SRGAP3: variants seen among roughly 807,000 people sequenced by gnomAD.
SRGAP3 encodes SLIT-ROBO Rho GTPase-activating protein 3.
Under a neutral mutation model 121.1 loss-of-function variants are expected in SRGAP3, and 39 were observed. That is an observed-to-expected ratio of 0.32 (90% confidence interval 0.25 to 0.42). The LOEUF (loss-of-function observed/expected upper bound fraction) is 0.42, where lower values mean the gene tolerates loss of function less well. SRGAP3 is among the 10% of genes least tolerant of loss of function. The pLI, the probability that SRGAP3 is intolerant of heterozygous loss-of-function variation, is 1.00. For synonymous variants in SRGAP3, 601 were observed against 570.0 expected (o/e 1.05, Z -0.77); for missense variants, 1,213 against 1,470.6 (o/e 0.82, Z 2.86).
chr3:9,087,175 C>T (rs1403201249), intron 3 of SRGAP3, among the ~76,000 whole-genome samples: 1 of 151,896 alleles, frequency 6.6e-6, no homozygotes, highest in Non-Finnish European at 1.5e-5. Context: ...AGTGACAGTT[C>T]CTCTAAGACT....
intron 1 of SRGAP3, among the ~76,000 whole-genome samples, chr3:9,340,643 G>A (rs1185112186): frequency 6.6e-6 from 1 of 151,352 alleles, no homozygotes; most frequent in Non-Finnish European, 1.5e-5. Context: ...CATATGCTCT[G>A]GGAAAACCAA....
intron 14 of SRGAP3, among the ~76,000 whole-genome samples, chr3:9,024,726 G>T (rs2125066676): frequency 6.6e-6 from 1 of 152,302 alleles, no homozygotes; most frequent in East Asian, 1.9e-4. Context: ...CGCAATGTGT[G>T]GCTTGCCAAA....
intron 4 of SRGAP3, among the ~76,000 whole-genome samples, chr3:9,069,919 C>G (rs1946622079): frequency 6.6e-6 from 1 of 152,088 alleles, no homozygotes; most frequent in African/African-American, 2.4e-5. Context: ...TGCACTCCAG[C>G]CTGGGCGACA....
chr3:9,037,898 G>T, intron 11 of SRGAP3, 165 bp downstream of exon 11: 3 of 890,048 alleles, frequency 3.4e-6, no homozygotes, highest in Non-Finnish European at 5.4e-6. Flanking sequence ...GCTAGAACAA[G>T]CAAAGCAGCA....
At position 9,060,372 on chromosome 3, in the gene SRGAP3, A is replaced by T; in HGVS notation, c.673-13T>A. On this transcript the variant is annotated splice_polypyrimidine_tract_variant and intron_variant, in intron 5 of 21. Coordinates refer to ENST00000383836, the MANE Select transcript of SRGAP3 (RefSeq NM_014850.4). The stretch of plus-strand genomic sequence containing the variant: ...ACTTGGCCTGCCTCTGGAAGAAGAA[A>T]AGAGTAGATGTAAGAGCAAGCCATT... 1 of 1,613,002 alleles carries T rather than the reference A, an allele frequency of 6.2e-7. No homozygotes were observed. The highest frequency in any genetic ancestry group is 8.5e-7 in the Non-Finnish European group (1 of 1,179,502).
intron 11 of SRGAP3, 150 bp downstream of exon 11, chr3:9,037,913 T>C: frequency 2.0e-6 from 2 of 1,006,408 alleles, no homozygotes; most frequent in Non-Finnish European, 3.1e-6. Flanking sequence ...GCAGCAACTG[T>C]GCCTCACCTG....
intron 2 of SRGAP3, among the ~76,000 whole-genome samples, chr3:9,120,509 A>G (rs983897746): frequency 1.3e-5 from 2 of 152,258 alleles, no homozygotes; most frequent in Non-Finnish European, 2.9e-5. Context: ...TCTTCAATGC[A>G]CACATTTCAA....
intron 1 of SRGAP3, among the ~76,000 whole-genome samples, chr3:9,343,325 G>A (rs1955825850): frequency 6.6e-6 from 1 of 152,156 alleles, no homozygotes; most frequent in African/African-American, 2.4e-5. Context: ...TCGTAGGGCT[G>A]TTGAATATGT....
At chr3:9,127,059 C>T (rs560590404) in intron 1 of SRGAP3, among the ~76,000 whole-genome samples, 8 of 152,236 alleles carry the variant, frequency 5.3e-5, no homozygotes, top group Admixed American at 2.0e-4. Flanking sequence ...CATGAGACCA[C>T]GTCTGTCATC....
chr3:9,312,771 G>A (rs1422964665), intron 3 of SRGAP3, among the ~76,000 whole-genome samples: 1 of 152,128 alleles, frequency 6.6e-6, no homozygotes, highest in African/African-American at 2.4e-5. Flanking sequence ...GAATGCTGGA[G>A]GCTGGAAGTT....
intron 17 of SRGAP3, among the ~76,000 whole-genome samples, chr3:9,011,426 T>A (rs1444385447): frequency 6.6e-6 from 1 of 152,202 alleles, no homozygotes; most frequent in Non-Finnish European, 1.5e-5. Context: ...ACAGCCTGGC[T>A]CTACCCAACC....
chr3:9,151,326 C>T (rs752176674), intron 1 of SRGAP3, among the ~76,000 whole-genome samples: 2 of 152,184 alleles, frequency 1.3e-5, no homozygotes, highest in East Asian at 1.9e-4. Flanking sequence ...GAGGCTCGTT[C>T]GGGATGTTTG....
chr3:9,098,333 G>C (rs953162507), intron 3 of SRGAP3, among the ~76,000 whole-genome samples: 2 of 152,202 alleles, frequency 1.3e-5, no homozygotes, highest in African/African-American at 4.8e-5. Context: ...GTGCAATGCA[G>C]TGATCACAGC....
At chr3:9,054,255 C>T (rs917290677) in intron 8 of SRGAP3, among the ~76,000 whole-genome samples, 4 of 152,202 alleles carry the variant, frequency 2.6e-5, no homozygotes, top group African/African-American at 9.6e-5. Context: ...ATTATACCCT[C>T]CTCCTTTTTG....
intron 2 of SRGAP3, among the ~76,000 whole-genome samples, chr3:9,105,956 T>C (rs941247136): frequency 2.0e-5 from 3 of 152,246 alleles, no homozygotes; most frequent in African/African-American, 7.2e-5. Flanking sequence ...TATTTTCTAA[T>C]AAACTGTTGA....
chr3:9,202,613 C>T (rs567809187), intron 1 of SRGAP3, among the ~76,000 whole-genome samples: 9 of 152,328 alleles, frequency 5.9e-5, no homozygotes, highest in African/African-American at 2.2e-4. Context: ...GCCTGCCCCA[C>T]CCTCGAGCCC....
intron 3 of SRGAP3, among the ~76,000 whole-genome samples, chr3:9,298,191 G>T (rs7644575): frequency 6.6e-6 from 1 of 152,040 alleles, no homozygotes; most frequent in Admixed American, 6.6e-5. Context: ...TATATATCTC[G>T]TGAGATAACT....
chr3:9,167,878 A>G (rs1250474712), intron 1 of SRGAP3, among the ~76,000 whole-genome samples: 1 of 152,206 alleles, frequency 6.6e-6, no homozygotes, highest in Non-Finnish European at 1.5e-5. Context: ...ACTGCCTCCA[A>G]GCGCACTCCA....
rs185915881 is a variant in SRGAP3 at position 9,154,407 on chromosome 3, T to A, written c.68-29490A>T. 3.2e-3 allele frequency among the ~76,000 whole-genome samples: 494 copies of A among 152,110 alleles called. 4 individuals carry two copies. Among genetic ancestry groups the A allele is most frequent in the Non-Finnish European group, 3.5e-3 (239 of 67,994 alleles). ...GAGGATACAGGATGAGACTCAAATA[T>A]CTCAGCCCCAGTCCACCTCGCCTCC... is the stretch of plus-strand genomic sequence containing the variant. On this transcript the variant is annotated intron_variant, in intron 1 of 21. Transcript: ENST00000383836.
Sources: allele counts gnomAD v4.1 joint callset (sites outside exome capture counted in the v4.1 genomes callset), GRCh38; gene constraint gnomAD v4.1.1; transcripts MANE v1.5; gene names NCBI Gene and HGNC (gene_info 2026-07-23, HGNC 2026-07-21).